RNF150: variants seen among roughly 807,000 people sequenced by gnomAD.
The protein encoded by RNF150 is ring finger protein 150.
Under a neutral mutation model 39.3 loss-of-function variants are expected in RNF150, and 24 were observed. The observed-to-expected ratio is 0.61, with a 90% CI of 0.44 to 0.86. The LOEUF is 0.86. Among genes scored for constraint, RNF150 ranks in the 40% least tolerant of loss-of-function variants. The probability of loss-of-function intolerance (pLI) is 0.00; values close to 1 mark genes in which losing one functional copy is unlikely to be tolerated. For synonymous variants in RNF150, 255 were observed against 227.3 expected, an observed-to-expected ratio of 1.12 and a Z score of -1.10; for missense variants, 502 against 587.8, an observed-to-expected ratio of 0.85 and a Z score of 1.51.
At chr4:140,902,729 G>A (rs1396533756) in intron 6 of RNF150, among the ~76,000 whole-genome samples, 3 of 152,198 alleles carry the variant, frequency 2.0e-5, no homozygotes, top group Admixed American at 2.0e-4. Context: ...TTTGGGAGCA[G>A]AGGACCATGA....
chr4:140,910,884 A>T (rs998268978), intron 6 of RNF150, among the ~76,000 whole-genome samples: 2 of 152,044 alleles, frequency 1.3e-5, no homozygotes, highest in Non-Finnish European at 2.9e-5. Context: ...GGACATGGAG[A>T]GTGTGCAATG....
intron 1 of RNF150, among the ~76,000 whole-genome samples, chr4:141,093,217 T>A (rs1013449170): frequency 1.3e-5 from 2 of 151,982 alleles, no homozygotes; most frequent in African/African-American, 4.8e-5. Context: ...ACACGAAGAA[T>A]TGGCCGGGCA....
rs948610265 is a variant in RNF150 at position 140,945,574 on chromosome 4, CAT to C, written c.890+2078_890+2079del. ...CACTACATATATATATACATATATA[CAT>C]ATATATACTACATATATACATATAT... is the stretch of plus-strand genomic sequence containing the variant. On this transcript the variant is annotated intron_variant, in intron 4 of 6. Coordinates refer to ENST00000515673, the MANE Select transcript of RNF150 (RefSeq NM_020724.2). Among the ~76,000 whole-genome samples the C allele has an allele frequency of 8.1e-5, 12 of 147,444 alleles. No homozygotes were observed. The South Asian group carries it at 1.3e-3, about 16-fold the overall frequency.
chr4:141,195,565 T>C (rs1191545989), intron 1 of RNF150, among the ~76,000 whole-genome samples: 3 of 152,128 alleles, frequency 2.0e-5, no homozygotes, highest in Non-Finnish European at 4.4e-5. Flanking sequence ...GTTGTTATGG[T>C]AGAAAGCATC....
At chr4:140,927,841 GT>G (rs1272774835) in intron 4 of RNF150, among the ~76,000 whole-genome samples, 1 of 151,624 alleles carries the variant, frequency 6.6e-6, no homozygotes, top group Non-Finnish European at 1.5e-5. Flanking sequence ...TAGAGACGGG[GT>G]TTTGCCATGT....
At chr4:140,925,924 A>G (rs1731382428) in intron 5 of RNF150, 53 bp downstream of exon 5, 1 of 1,266,870 alleles carries the variant, frequency 7.9e-7, no homozygotes, top group African/African-American at 1.5e-5. Flanking sequence ...CCCTGCTTTG[A>G]GGGCAACGCA....
At chr4:140,936,272 G>A (rs937942936) in intron 4 of RNF150, among the ~76,000 whole-genome samples, 4 of 152,104 alleles carry the variant, frequency 2.6e-5, no homozygotes, top group Non-Finnish European at 1.5e-5. Context: ...GTTAATATAT[G>A]CATTCATTTC....
At chr4:140,972,607 G>A (rs1410295517) in intron 1 of RNF150, among the ~76,000 whole-genome samples, 3 of 152,138 alleles carry the variant, frequency 2.0e-5, no homozygotes, top group Non-Finnish European at 4.4e-5. Flanking sequence ...TGGGTGTGGT[G>A]TGTGATTAGT....
At chr4:140,915,660 C>T (rs961089350) in intron 5 of RNF150, among the ~76,000 whole-genome samples, 6 of 152,088 alleles carry the variant, frequency 3.9e-5, no homozygotes, top group Non-Finnish European at 5.9e-5. Context: ...TCAGCAAATC[C>T]GCTTAAATGT....
intron 1 of RNF150, among the ~76,000 whole-genome samples, chr4:141,070,183 G>T (rs928438599): frequency 6.6e-6 from 1 of 152,136 alleles, no homozygotes; most frequent in Non-Finnish European, 1.5e-5. Flanking sequence ...GACATATGTA[G>T]AAAGCTGAAA....
At chr4:141,082,670 G>A (rs1341719403) in intron 1 of RNF150, among the ~76,000 whole-genome samples, 1 of 147,890 alleles carries the variant, frequency 6.8e-6, no homozygotes, top group East Asian at 2.1e-4. Flanking sequence ...CTCACTGCAA[G>A]CTCCGCCTCC....
chr4:140,939,570 T>A (rs2111353288), intron 4 of RNF150, among the ~76,000 whole-genome samples: 1 of 151,744 alleles, frequency 6.6e-6, no homozygotes, highest in African/African-American at 2.4e-5. Flanking sequence ...AAGAAAGGCT[T>A]AAGAAGATAA....
chr4:141,137,089 G>T (rs1727039771), upstream of RNF150, among the ~76,000 whole-genome samples: 1 of 152,128 alleles, frequency 6.6e-6, no homozygotes, highest in African/African-American at 2.4e-5. Context: ...AAACAGCAAA[G>T]AAACCATTAA....
chr4:140,892,877 A>G (rs1253288627), intron 6 of RNF150, among the ~76,000 whole-genome samples: 1 of 148,688 alleles, frequency 6.7e-6, no homozygotes, highest in South Asian at 2.2e-4. Context: ...CCTGGGCAAC[A>G]TAGTGAGACC....
At chr4:141,152,685 G>A (rs372536372) in intron 1 of RNF150, among the ~76,000 whole-genome samples, 54 of 152,224 alleles carry the variant, frequency 3.5e-4, no homozygotes, top group Middle Eastern at 6.8e-3. Flanking sequence ...TGCCCCAGAA[G>A]ATGTTTGGGG....
intron 1 of RNF150, among the ~76,000 whole-genome samples, chr4:141,076,538 T>A (rs1737901189): frequency 6.6e-6 from 1 of 151,690 alleles, no homozygotes; most frequent in Non-Finnish European, 1.5e-5. Context: ...GCCTTCAAAC[T>A]GAGCTTTTTA....
intron 1 of RNF150, among the ~76,000 whole-genome samples, chr4:141,015,544 T>TAGAAA (rs749796928): frequency 1.3e-5 from 2 of 152,196 alleles, no homozygotes; most frequent in Non-Finnish European, 1.5e-5. Context: ...TTAATTTCTT[T>TAGAAA]TTCAGATAGT....
chr4:141,039,394 G>A (rs1736272703), intron 1 of RNF150, among the ~76,000 whole-genome samples: 1 of 150,450 alleles, frequency 6.6e-6, no homozygotes, highest in South Asian at 2.2e-4. Context: ...GGAGGGAGGA[G>A]GTAGAGAAAG....
intron 5 of RNF150, among the ~76,000 whole-genome samples, chr4:140,917,450 T>A (rs1447507099): frequency 2.0e-5 from 3 of 152,116 alleles, no homozygotes; most frequent in South Asian, 2.1e-4. Context: ...AGAAGGCCAT[T>A]ACATAATGGT....
Sources: gnomAD v4.1 joint callset for allele counts (sites outside exome capture counted in the v4.1 genomes callset) on GRCh38, gnomAD v4.1.1 for gene constraint, MANE v1.5 for transcripts, NCBI Gene and HGNC (gene_info 2026-07-23, HGNC 2026-07-21) for gene names.